The following SH3GL2 variants were observed in gnomAD, a reference collection of about 807,000 sequenced individuals.
SH3GL2 encodes the protein SH3 domain containing GRB2 like 2, endophilin A1, also known as endophilin-A1.
In SH3GL2, 24 loss-of-function variants were observed where a neutral mutation model predicts 46.0. The ratio of observed to expected loss-of-function variants is 0.52; its 90% confidence interval spans 0.38 to 0.73. The LOEUF (loss-of-function observed/expected upper bound fraction) is 0.73. Ranked by LOEUF, SH3GL2 falls within the 30% of genes least tolerant of loss-of-function variation. The pLI is 0.00. For synonymous variants in SH3GL2, 196 were observed against 147.1 expected (o/e 1.33, Z -2.40); for missense variants, 413 against 424.2 (o/e 0.97, Z 0.23).
At chr9:17,628,101 G>A (rs1443228754) in intron 1 of SH3GL2, among the ~76,000 whole-genome samples, 3 of 152,172 alleles carry the variant, frequency 2.0e-5, no homozygotes, top group African/African-American at 7.2e-5. Flanking sequence ...ACGTGACTGT[G>A]AGACCCTGGT....
chr9:17,687,336 A>G (rs2118097726), intron 1 of SH3GL2, among the ~76,000 whole-genome samples: 1 of 152,238 alleles, frequency 6.6e-6, no homozygotes, highest in African/African-American at 2.4e-5. Flanking sequence ...GCAAGTGAAC[A>G]AGTATTATTT....
chr9:17,634,706 T>G (rs1248534435), intron 1 of SH3GL2, among the ~76,000 whole-genome samples: 2 of 152,218 alleles, frequency 1.3e-5, no homozygotes, highest in Admixed American at 1.3e-4. Flanking sequence ...GTTTGTTCAT[T>G]TCCTTTATAT....
intron 3 of SH3GL2, among the ~76,000 whole-genome samples, chr9:17,786,149 A>G (rs1186432475): frequency 2.6e-5 from 4 of 152,172 alleles, no homozygotes; most frequent in Non-Finnish European, 4.4e-5. Context: ...CTTCATCCAG[A>G]ACAGAATTGC....
intron 1 of SH3GL2, among the ~76,000 whole-genome samples, chr9:17,604,148 G>T (rs1010517286): frequency 1.3e-5 from 2 of 152,094 alleles, no homozygotes; most frequent in African/African-American, 4.8e-5. Context: ...TGAGAAAACT[G>T]GGTCTCAGAA....
At chr9:17,654,261 A>G (rs928400967) in intron 1 of SH3GL2, among the ~76,000 whole-genome samples, 3 of 152,188 alleles carry the variant, frequency 2.0e-5, no homozygotes, top group African/African-American at 7.2e-5. Flanking sequence ...GTCTATGCTC[A>G]TGTATCATTC....
chr9:17,645,362 C>T (rs1415674784), intron 1 of SH3GL2, among the ~76,000 whole-genome samples: 1 of 151,844 alleles, frequency 6.6e-6, no homozygotes, highest in East Asian at 1.9e-4. Flanking sequence ...GGGCATTTAT[C>T]CCATTTACAT....
intron 3 of SH3GL2, among the ~76,000 whole-genome samples, chr9:17,770,739 A>G (rs1378052552): frequency 6.6e-6 from 1 of 152,168 alleles, no homozygotes; most frequent in African/African-American, 2.4e-5. Context: ...GCCCAAGGAG[A>G]GGACCACATG....
At chr9:17,684,628 C>T (rs910764570) in intron 1 of SH3GL2, among the ~76,000 whole-genome samples, 1 of 152,044 alleles carries the variant, frequency 6.6e-6, no homozygotes, top group Admixed American at 6.6e-5. Context: ...GCTCACTAAG[C>T]AGAATGAATA....
At position 17,793,611 on chromosome 9, in the gene SH3GL2, A is replaced by G. The variant is rs543284807; in HGVS notation, c.859+114A>G. The stretch of plus-strand genomic sequence containing the variant: ...CTGCATAGGAAATATGCAGTAATAC[A>G]TTTCTTATGGAGTCAGTTGTCAGGT... On this transcript the variant is annotated intron_variant, in intron 8 of 8. Coordinates refer to ENST00000380607, the MANE Select transcript of SH3GL2 (RefSeq NM_003026.5). 2.6e-5 allele frequency: 25 copies of G among 963,110 alleles called. No homozygotes were observed. In the South Asian group the frequency reaches 3.8e-4, roughly 15 times the overall value. 59.7% of individuals were successfully genotyped at this position (963,110 alleles called of 1,614,324 possible).
At chr9:17,648,678 A>G (rs1819885192) in intron 1 of SH3GL2, among the ~76,000 whole-genome samples, 1 of 152,206 alleles carries the variant, frequency 6.6e-6, no homozygotes, top group South Asian at 2.1e-4. Context: ...AAAATGAGTC[A>G]TTGGCTTCTT....
At chr9:17,730,002 T>A (rs946952848) in intron 1 of SH3GL2, among the ~76,000 whole-genome samples, 1 of 152,168 alleles carries the variant, frequency 6.6e-6, no homozygotes, top group Admixed American at 6.5e-5. Flanking sequence ...GTGAAGAAAG[T>A]CAATGGCAGC....
intron 1 of SH3GL2, among the ~76,000 whole-genome samples, chr9:17,633,501 TTAATA>T (rs1819478822): frequency 6.6e-6 from 1 of 152,206 alleles, no homozygotes; most frequent in Non-Finnish European, 1.5e-5. Flanking sequence ...CAAAATAATA[TTAATA>T]TAAGAAAGTG....
At chr9:17,629,444 A>C (rs1396704701) in intron 1 of SH3GL2, among the ~76,000 whole-genome samples, 1 of 152,134 alleles carries the variant, frequency 6.6e-6, no homozygotes, top group African/African-American at 2.4e-5. Context: ...AGGTGATGGA[A>C]ATAATTTTCC....
At chr9:17,652,969 T>C (rs1021935632) in intron 1 of SH3GL2, among the ~76,000 whole-genome samples, 1 of 152,142 alleles carries the variant, frequency 6.6e-6, no homozygotes, top group Admixed American at 6.5e-5. Flanking sequence ...ATAATGTTTT[T>C]GGCTGCAATT....
chr9:17,705,999 TA>T (rs1196632348), intron 1 of SH3GL2, among the ~76,000 whole-genome samples: 2 of 151,876 alleles, frequency 1.3e-5, no homozygotes, highest in Admixed American at 6.6e-5. Context: ...AAATGTTTAA[TA>T]AAAAAAATTT....
intron 1 of SH3GL2, among the ~76,000 whole-genome samples, chr9:17,587,777 C>G (rs1210617332): frequency 6.6e-6 from 1 of 151,994 alleles, no homozygotes; most frequent in Admixed American, 6.5e-5. Flanking sequence ...ACTCGGGAGG[C>G]TGAAGCTTGA....
rs191500815 is a variant in SH3GL2, at chr9:17,699,670, A to T, written c.46-47396A>T. Among the ~76,000 whole-genome samples the T allele has an allele frequency of 1.1e-3, 160 of 152,338 alleles. 1 individual carries two copies. Among genetic ancestry groups the T allele is most frequent in the African/African-American group, 3.6e-3 (150 of 41,584 alleles). ...CTTGCTTTTGATACTGTGAAATATC[A>T]TGAGCTTGAGCTCCCAGCAAAGACC... On this transcript the variant is annotated intron_variant, in intron 1 of 8. Transcript: ENST00000380607.
chr9:17,656,224 C>G (rs1263123846), intron 1 of SH3GL2, among the ~76,000 whole-genome samples: 2 of 152,020 alleles, frequency 1.3e-5, no homozygotes, highest in African/African-American at 4.8e-5. Context: ...ATTTTAATTA[C>G]TTTGGTAGAC....
chr9:17,609,679 A>C (rs1818824776), intron 1 of SH3GL2, among the ~76,000 whole-genome samples: 2 of 152,244 alleles, frequency 1.3e-5, no homozygotes, highest in Admixed American at 1.3e-4. Context: ...TATGTACTTG[A>C]TACGGCTTTG....
Sources: allele counts gnomAD v4.1 joint callset (sites outside exome capture counted in the v4.1 genomes callset), GRCh38; gene constraint gnomAD v4.1.1; transcripts MANE v1.5; gene names NCBI Gene and HGNC (gene_info 2026-07-23, HGNC 2026-07-21).